Variants in RYR3 observed in about 807,000 individuals in gnomAD.
RYR3 encodes ryanodine receptor 3.
RYR3 carries 207 observed loss-of-function variants against 584.3 expected under a neutral mutation model. The ratio of observed to expected loss-of-function variants is 0.35; its 90% CI spans 0.32 to 0.40. The LOEUF (loss-of-function observed/expected upper bound fraction) is 0.40, where lower values mean the gene tolerates loss of function less well. Ranked by LOEUF, RYR3 falls within the 10% of genes least tolerant of loss-of-function variation. The probability of loss-of-function intolerance (pLI) is 1.00; values close to 1 mark genes in which losing one functional copy is unlikely to be tolerated. For missense variants in RYR3, 5,616 were observed against 6,089.2 expected (o/e 0.92, Z 2.59); for synonymous variants, 2,416 against 2,248.5 (o/e 1.07, Z -2.11).
Position 33,613,225 on chromosome 15 carries a change from T to C in RYR3, c.2207T>C (p.Leu736Pro). Reference sequence around the variant, plus strand: ...GTGGCTTCCATCAACCAGCACCTCCTGAGATCGGATGACGTGGTAAGCTGC... The same window carrying C: ...GTGGCTTCCATCAACCAGCACCTCCCGAGATCGGATGACGTGGTAAGCTGC... ...RAVASINQHL[L>P]RSDDVVSCCL... Residue 736 changes from leucine to proline, a missense_variant, in exon 19 of 104, where the codon CTG (leucine) becomes CCG (proline). Coordinates refer to ENST00000634891, the MANE Select transcript of RYR3 (RefSeq NM_001036.6). 6.2e-7 allele frequency: 1 copy of C among 1,613,368 alleles called. No individual in the cohort carries two copies.
chr15:33,414,758 A>T (rs552592506), intron 1 of RYR3, among the ~76,000 whole-genome samples: 3 of 152,030 alleles, frequency 2.0e-5, no homozygotes, highest in Admixed American at 6.5e-5. Context: ...GCACCCGCTA[A>T]TTTTTTTGTA....
intron 1 of RYR3, among the ~76,000 whole-genome samples, chr15:33,318,840 C>T (rs1968556710): frequency 6.6e-6 from 1 of 152,148 alleles, no homozygotes; most frequent in South Asian, 2.1e-4. Flanking sequence ...AACTAAGGTG[C>T]CTCCTTCCTG....
intron 98 of RYR3, among the ~76,000 whole-genome samples, chr15:33,855,204 C>CT (rs201635608): frequency 0.044 from 6,523 of 147,424 alleles, 366 homozygotes; most frequent in South Asian, 0.13. Context: ...CCTTGGAGAT[C>CT]TTTTTTTTTT....
intron 38 of RYR3, among the ~76,000 whole-genome samples, chr15:33,677,962 T>G (rs2064299553): frequency 6.6e-6 from 1 of 152,092 alleles, no homozygotes; most frequent in Non-Finnish European, 1.5e-5. Flanking sequence ...CACCACCTAT[T>G]TATAGGAACT....
At chr15:33,548,936 C>A (rs1462098672) in intron 9 of RYR3, among the ~76,000 whole-genome samples, 1 of 152,096 alleles carries the variant, frequency 6.6e-6, no homozygotes, top group Non-Finnish European at 1.5e-5. Flanking sequence ...TGCTCAGTCT[C>A]CCCCCGAAAA....
intron 2 of RYR3, among the ~76,000 whole-genome samples, chr15:33,480,662 T>C (rs2676015): frequency 0.44 from 67,622 of 152,028 alleles, 15,867 homozygotes; most frequent in Non-Finnish European, 0.52. Context: ...GGGATATAAG[T>C]TTTAATTGTT....
chr15:33,679,926 A>G (rs1411613159), intron 38 of RYR3, among the ~76,000 whole-genome samples: 1 of 152,202 alleles, frequency 6.6e-6, no homozygotes, highest in African/African-American at 2.4e-5. Context: ...ATAAAGTTAA[A>G]GCATTAATAA....
At chr15:33,816,789 C>T (rs941559207) in intron 74 of RYR3, 73 bp from the exon 75 acceptor site, 7 of 949,942 alleles carry the variant, frequency 7.4e-6, no homozygotes, top group African/African-American at 1.6e-5. Flanking sequence ...TGCTTACTAA[C>T]CATTAACTGC....
At chr15:33,334,589 A>G (rs970143770) in intron 1 of RYR3, among the ~76,000 whole-genome samples, 1 of 152,228 alleles carries the variant, frequency 6.6e-6, no homozygotes, top group Non-Finnish European at 1.5e-5. Flanking sequence ...CCAGAAGATA[A>G]CCTAGGCAAT....
Position 33,663,566 on chromosome 15 carries a change from CTG to C in RYR3, c.5451_5452del (p.Cys1817Ter). ...GTGAGCTCCTCAGCTATCTCTGCGA[CTG>C]TGAGCTGCAGCACCGAGTGGAGGCC... ...MCELLSYLCD[C>X]ELQHRVEAIV... On this transcript the variant is annotated frameshift_variant, in exon 36 of 104. Coordinates refer to ENST00000634891, the MANE Select transcript of RYR3 (RefSeq NM_001036.6). LOFTEE classifies it high-confidence loss of function. 6.2e-7 allele frequency: 1 copy of C among 1,613,856 alleles called. No homozygotes were observed. Among genetic ancestry groups the C allele is most frequent in the Non-Finnish European group, 8.5e-7 (1 of 1,179,842 alleles).
At chr15:33,530,332 TG>T (rs1476221488) in intron 3 of RYR3, among the ~76,000 whole-genome samples, 1 of 152,198 alleles carries the variant, frequency 6.6e-6, no homozygotes, top group Non-Finnish European at 1.5e-5. Context: ...AGAACAGCTC[TG>T]GGTTTCTGCT....
intron 1 of RYR3, among the ~76,000 whole-genome samples, chr15:33,389,524 G>T (rs971721344): frequency 6.6e-6 from 1 of 152,120 alleles, no homozygotes; most frequent in Non-Finnish European, 1.5e-5. Context: ...AATGGGTATC[G>T]ATTACTTGCA....
At chr15:33,584,944 C>G (rs1230225551) in intron 15 of RYR3, among the ~76,000 whole-genome samples, 1 of 152,046 alleles carries the variant, frequency 6.6e-6, no homozygotes, top group East Asian at 1.9e-4. Context: ...CCCACTCACC[C>G]TCTCTCCCGT....
chr15:33,482,943 C>T (rs1489296219), intron 2 of RYR3, among the ~76,000 whole-genome samples: 1 of 152,174 alleles, frequency 6.6e-6, no homozygotes, highest in African/African-American at 2.4e-5. Flanking sequence ...CCACAGGTCA[C>T]TATGACTCTA....
At chr15:33,643,171 T>C (rs2061924896) in intron 27 of RYR3, among the ~76,000 whole-genome samples, 2 of 152,154 alleles carry the variant, frequency 1.3e-5, no homozygotes, top group African/African-American at 4.8e-5. Flanking sequence ...ACCACTCTTA[T>C]CCTAGGGAGT....
intron 38 of RYR3, among the ~76,000 whole-genome samples, chr15:33,691,529 T>C (rs1596178648): frequency 6.6e-6 from 1 of 152,132 alleles, no homozygotes; most frequent in Admixed American, 6.5e-5. Context: ...TTTCATTTCA[T>C]TTTTTTCATT....
At chr15:33,560,599 T>A (rs1210987264) in intron 10 of RYR3, among the ~76,000 whole-genome samples, 1 of 152,170 alleles carries the variant, frequency 6.6e-6, no homozygotes, top group Non-Finnish European at 1.5e-5. Context: ...AGTTGTGGTG[T>A]GCATAATTTT....
chr15:33,635,736 C>T lies in RYR3; in HGVS notation c.3298C>T (p.Arg1100Ter), dbSNP rs1297136189. 1.2e-6 allele frequency: 2 copies of T among 1,613,866 alleles called. No homozygotes were observed. The highest frequency in any genetic ancestry group is 1.7e-6 in the Non-Finnish European group (2 of 1,179,838). ...EFEVVTGGDMRVGWARPGCRP... is the reference protein window; with the variant it reads ...EFEVVTGGDM ...TGAAGTGGTGACTGGAGGAGACATG[C>T]GAGTCGGCTGGGCGAGGCCAGGCTG... Residue 1100 changes from arginine to a stop codon, truncating the protein, a stop_gained, in exon 26 of 104, where the codon CGA (arginine) becomes TGA (stop). Coordinates refer to ENST00000634891, the MANE Select transcript of RYR3 (RefSeq NM_001036.6). LOFTEE classifies it high-confidence loss of function.
intron 87 of RYR3, among the ~76,000 whole-genome samples, chr15:33,835,464 A>C (rs1054316128): frequency 6.7e-6 from 1 of 149,516 alleles, no homozygotes; most frequent in African/African-American, 2.5e-5. Context: ...CTTCTCTCTC[A>C]CTCCTGCTTC....
Sources: gnomAD v4.1 joint callset for allele counts (sites outside exome capture counted in the v4.1 genomes callset) on GRCh38, gnomAD v4.1.1 for gene constraint, MANE v1.5 for transcripts, NCBI Gene and HGNC (gene_info 2026-07-23, HGNC 2026-07-21) for gene names.